SANBR: variants seen among roughly 807,000 people sequenced by gnomAD.
SANBR encodes SANT and BTB domain regulator of CSR.
SANBR carries 77 observed loss-of-function variants against 101.8 expected under a neutral mutation model. The observed-to-expected ratio is 0.76, with a 90% CI of 0.63 to 0.91. The LOEUF (loss-of-function observed/expected upper bound fraction) is 0.91. Among genes scored for constraint, SANBR ranks in the 40% least tolerant of loss-of-function variants. The pLI is 0.00. For synonymous variants in SANBR, 279 were observed against 274.7 expected (o/e 1.02, Z -0.15); for missense variants, 875 against 853.0 (o/e 1.03, Z -0.32).
chr2:61,087,918 AT>A (rs984847160), intron 8 of SANBR, among the ~76,000 whole-genome samples: 2 of 152,132 alleles, frequency 1.3e-5, no homozygotes, highest in East Asian at 1.9e-4. Flanking sequence ...TATCAATCTT[AT>A]TTTTTATGGG....
intron 6 of SANBR, among the ~76,000 whole-genome samples, chr2:61,078,183 CGTGA>C (rs554537288): frequency 1.9e-4 from 29 of 152,196 alleles, no homozygotes; most frequent in Admixed American, 1.0e-3. Context: ...AAAAGTCATG[CGTGA>C]GTGAAAGATT....
chr2:61,127,595 G>A (rs1684550450), downstream of SANBR, among the ~76,000 whole-genome samples: 1 of 152,162 alleles, frequency 6.6e-6, no homozygotes, highest in Admixed American at 6.5e-5. Context: ...CATCTCATAA[G>A]CTCACCAAAG....
chr2:61,089,285 T>G (rs1301761072), intron 10 of SANBR: 3 of 622,986 alleles, frequency 4.8e-6, no homozygotes, highest in African/African-American at 2.0e-5. Flanking sequence ...CCAAGTCAGG[T>G]GGATCACCTG....
intron 20 of SANBR, among the ~76,000 whole-genome samples, chr2:61,120,029 G>A (rs562983683): frequency 5.3e-5 from 8 of 152,280 alleles, no homozygotes; most frequent in African/African-American, 1.9e-4. Flanking sequence ...TATATAGCTA[G>A]TAGAAATGCA....
intron 5 of SANBR, among the ~76,000 whole-genome samples, chr2:61,076,263 G>A (rs1220690017): frequency 3.3e-5 from 5 of 150,748 alleles, no homozygotes; most frequent in African/African-American, 9.7e-5. Context: ...AAAGTGCTGG[G>A]ATTACAGGTG....
intron 7 of SANBR, 88 bp downstream of exon 7, chr2:61,081,598 T>A: frequency 1.5e-6 from 2 of 1,293,286 alleles, no homozygotes; most frequent in Non-Finnish European, 2.1e-6. Context: ...TGAGACTTTA[T>A]TAAAATTATT....
chr2:61,125,320 CTTGAG>C (rs988611353), downstream of SANBR, among the ~76,000 whole-genome samples: 6 of 152,122 alleles, frequency 3.9e-5, no homozygotes, highest in East Asian at 3.9e-4. Context: ...TTTCCTGTAA[CTTGAG>C]TTAAGACTGT....
At chr2:61,071,563 A>T in intron 3 of SANBR, 43 bp from the exon 4 acceptor site, 1 of 1,406,834 alleles carries the variant, frequency 7.1e-7, no homozygotes. Flanking sequence ...AAAAAAAAAA[A>T]AAATTCCCAA....
intron 21 of SANBR, among the ~76,000 whole-genome samples, chr2:61,136,737 C>T (rs911210207): frequency 4.6e-5 from 7 of 151,508 alleles, no homozygotes; most frequent in African/African-American, 9.7e-5. Context: ...TTTGGGAGGC[C>T]GAGGTGGGTG....
Position 61,122,628 on chromosome 2 carries a change from T to C in SANBR, c.*466T>C, listed in dbSNP as rs932633683. ...GGTTGTGTGACGAAATTCCCAATGATGCTAATTTTAAGTCTGCATGAATAT... is the reference window on the plus strand; with the variant it reads ...GGTTGTGTGACGAAATTCCCAATGACGCTAATTTTAAGTCTGCATGAATAT... On this transcript the variant is annotated 3_prime_UTR_variant, in exon 22 of 22. Coordinates refer to ENST00000402291, the MANE Select transcript of SANBR (RefSeq NM_001129993.3). 2.6e-5 allele frequency: 26 copies of C among 987,130 alleles called. No individual in the cohort carries two copies. Among genetic ancestry groups the C allele is most frequent in the Admixed American group, 6.1e-5 (1 of 16,450 alleles). The allele number at this position is 987,130 out of a possible 1,614,324, so 61.1% of individuals were successfully genotyped here. A position where few individuals can be genotyped will look rare whatever the true frequency, so the allele number is the denominator to read the frequency against.
At chr2:61,105,864 G>A (rs973107948) in intron 13 of SANBR, among the ~76,000 whole-genome samples, 1 of 151,884 alleles carries the variant, frequency 6.6e-6, no homozygotes, top group South Asian at 2.1e-4. Flanking sequence ...TAGAGACAGG[G>A]TTTCGCCATG....
intron 20 of SANBR, among the ~76,000 whole-genome samples, chr2:61,120,382 C>T (rs1200398493): frequency 6.6e-6 from 1 of 152,124 alleles, no homozygotes; most frequent in Non-Finnish European, 1.5e-5. Context: ...GGCCTGTAAT[C>T]CCATCTACTC....
intron 20 of SANBR, among the ~76,000 whole-genome samples, chr2:61,133,952 T>C (rs912520309): frequency 6.6e-6 from 1 of 152,222 alleles, no homozygotes; most frequent in African/African-American, 2.4e-5. Context: ...GTGGATTATA[T>C]TGCAAGAAAA....
intron 6 of SANBR, among the ~76,000 whole-genome samples, chr2:61,079,194 A>T (rs1681954469): frequency 6.6e-6 from 1 of 152,176 alleles, no homozygotes; most frequent in African/African-American, 2.4e-5. Flanking sequence ...CATAAAGAAA[A>T]ACCCTTTAGG....
chr2:61,114,345 A>G (rs73932683), intron 16 of SANBR, among the ~76,000 whole-genome samples: 9,451 of 152,238 alleles, frequency 0.062, 1,030 homozygotes, highest in African/African-American at 0.22. Context: ...TACCGTTGCC[A>G]ACCCACTTAG....
chr2:61,072,719 T>C (rs1177573009), intron 4 of SANBR, among the ~76,000 whole-genome samples: 1 of 151,996 alleles, frequency 6.6e-6, no homozygotes, highest in Non-Finnish European at 1.5e-5. Context: ...ATTTTTTTTT[T>C]TAACTACGAA....
At chr2:61,092,726 C>A in intron 11 of SANBR, 139 bp downstream of exon 11, 2 of 662,472 alleles carry the variant, frequency 3.0e-6, no homozygotes, top group Non-Finnish European at 2.3e-6. Context: ...GGCAGCTGGG[C>A]ATGGTGGCTC....
intron 20 of SANBR, among the ~76,000 whole-genome samples, chr2:61,120,637 A>G (rs990764616): frequency 1.3e-5 from 2 of 152,194 alleles, no homozygotes; most frequent in Non-Finnish European, 2.9e-5. Context: ...AGGCTGAGGT[A>G]GGAGGATCAC....
intron 5 of SANBR, among the ~76,000 whole-genome samples, chr2:61,076,257 T>C (rs1681767516): frequency 6.7e-6 from 1 of 149,618 alleles, no homozygotes; most frequent in Non-Finnish European, 1.5e-5. Flanking sequence ...CCTCCCAAAG[T>C]GCTGGGATTA....
Sources: allele counts gnomAD v4.1 joint callset (sites outside exome capture counted in the v4.1 genomes callset), GRCh38; gene constraint gnomAD v4.1.1; transcripts MANE v1.5; gene names NCBI Gene and HGNC (gene_info 2026-07-23, HGNC 2026-07-21).